HSD17B12: variants seen among roughly 807,000 people sequenced by gnomAD.
HSD17B12 encodes the protein hydroxysteroid 17-beta dehydrogenase 12.
HSD17B12 carries 32 observed loss-of-function variants against 39.3 expected under a neutral mutation model. The observed-to-expected ratio is 0.81, with a 90% CI of 0.61 to 1.09. The LOEUF is 1.09. Among genes scored for constraint, HSD17B12 ranks in the 50% least tolerant of loss-of-function variants. The pLI, the probability that HSD17B12 is intolerant of heterozygous loss-of-function variation, is 0.00. For synonymous variants in HSD17B12, 150 were observed against 146.7 expected, an observed-to-expected ratio of 1.02 and a Z score of -0.16; for missense variants, 342 against 382.9, an observed-to-expected ratio of 0.89 and a Z score of 0.89.
At chr11:43,642,298 ATTAC>A in the HSD17B12 span, among the ~76,000 whole-genome samples, 1 of 151,738 alleles carries the variant, frequency 6.6e-6, no homozygotes, top group Non-Finnish European at 1.5e-5. Context: ...ACCTACTTAA[ATTAC>A]TTAATTAAAA....
the HSD17B12 span, among the ~76,000 whole-genome samples, chr11:43,665,205 T>C: frequency 6.6e-6 from 1 of 152,182 alleles, no homozygotes; most frequent in African/African-American, 2.4e-5. Context: ...TGACAAAGGT[T>C]GTTTTTCCCT....
chr11:43,750,489 C>T (rs1016156157), intron 1 of HSD17B12, among the ~76,000 whole-genome samples: 1 of 151,794 alleles, frequency 6.6e-6, no homozygotes, highest in African/African-American at 2.4e-5. Context: ...ATTCTTCTGT[C>T]GATTAATATT....
chr11:43,851,251 C>G (rs907434722), intron 9 of HSD17B12, among the ~76,000 whole-genome samples: 2 of 152,142 alleles, frequency 1.3e-5, no homozygotes, highest in Non-Finnish European at 1.5e-5. Context: ...TCTGAGCTGG[C>G]AATATTTGTA....
Position 43,831,275 on chromosome 11 carries a change from A to C in HSD17B12, c.536+265A>C, listed in dbSNP as rs1951307909. Reference sequence around the variant, plus strand: ...GATGAAAAAGCCTGCCTGAGTCACCATCACTAACTCAATTGCCTACTATTC... The same window carrying C: ...GATGAAAAAGCCTGCCTGAGTCACCCTCACTAACTCAATTGCCTACTATTC... On this transcript the variant is annotated intron_variant, in intron 7 of 10. Transcript: ENST00000278353. The surrounding 1 kb of genome is among the most constrained non-coding windows in gnomAD (Gnocchi z 4.1). 3.9e-6 allele frequency: 1 copy of C among 257,920 alleles called. No individual in the cohort carries two copies. Among genetic ancestry groups the C allele is most frequent in the Non-Finnish European group, 7.3e-6 (1 of 136,260 alleles). 16.0% of individuals were successfully genotyped at this position (257,920 alleles called of 1,614,324 possible).
chr11:43,833,920 A>C (rs1207440914), intron 7 of HSD17B12: 1 of 152,180 alleles, frequency 6.6e-6, no homozygotes, highest in East Asian at 1.9e-4. Flanking sequence ...TGCTCTTTTC[A>C]CTTCCCTGGA....
chr11:43,574,463 A>G, the HSD17B12 span, among the ~76,000 whole-genome samples: 6 of 152,198 alleles, frequency 3.9e-5, no homozygotes, highest in Non-Finnish European at 7.3e-5. Flanking sequence ...TGGATCTAGG[A>G]TATGTGTGCA....
chr11:43,704,399 G>A (rs1949994843), intron 1 of HSD17B12, among the ~76,000 whole-genome samples: 1 of 152,158 alleles, frequency 6.6e-6, no homozygotes, highest in Non-Finnish European at 1.5e-5. Context: ...TTGTAGGTTT[G>A]TGTTTGTGAT....
At chr11:43,798,277 A>T (rs1211041130) in intron 3 of HSD17B12, 43 bp from the exon 4 acceptor site, 1 of 1,159,760 alleles carries the variant, frequency 8.6e-7, no homozygotes, top group South Asian at 1.2e-5. Flanking sequence ...GCCATGTACT[A>T]ATTTTCCCTG....
the HSD17B12 span, among the ~76,000 whole-genome samples, chr11:43,581,190 C>T: frequency 2.0e-5 from 3 of 152,112 alleles, no homozygotes; most frequent in East Asian, 1.9e-4. This position sits in a 1 kb window ranked among gnomAD's most constrained non-coding sequence, Gnocchi z 4.9. Context: ...CCTCCACACA[C>T]TTCTCTCGGG....
intron 9 of HSD17B12, among the ~76,000 whole-genome samples, chr11:43,851,880 C>T (rs1951535132): frequency 6.6e-6 from 1 of 152,152 alleles, no homozygotes; most frequent in South Asian, 2.1e-4. Context: ...AACATTTGAA[C>T]CATCCTGAGC....
chr11:43,824,351 CTAAAT>C (rs1301830663), intron 6 of HSD17B12, among the ~76,000 whole-genome samples: 2 of 152,194 alleles, frequency 1.3e-5, no homozygotes, highest in Non-Finnish European at 2.9e-5. Flanking sequence ...ATGACATCGA[CTAAAT>C]TAATCTCTTC....
chr11:43,652,217 G>T, the HSD17B12 span, among the ~76,000 whole-genome samples: 48 of 152,222 alleles, frequency 3.2e-4, 2 homozygotes, highest in East Asian at 5.0e-3. Context: ...ACATTTCCTG[G>T]TTTTAACAAT....
the HSD17B12 span, among the ~76,000 whole-genome samples, chr11:43,579,863 G>A: frequency 6.6e-6 from 1 of 152,050 alleles, no homozygotes; most frequent in Admixed American, 6.5e-5. Context: ...CTGGGCGAGG[G>A]TGGGAGTGTG....
chr11:43,847,536 C>A (rs1334727664), intron 9 of HSD17B12, among the ~76,000 whole-genome samples: 1 of 151,892 alleles, frequency 6.6e-6, no homozygotes, highest in African/African-American at 2.4e-5. Context: ...GAGACACTGT[C>A]TCTACAAAAA....
upstream of HSD17B12, among the ~76,000 whole-genome samples, chr11:43,677,707 C>T (rs1168490890): frequency 6.6e-6 from 1 of 150,824 alleles, no homozygotes; most frequent in African/African-American, 2.4e-5. Flanking sequence ...GGTTTTTGTC[C>T]TTGCGATAGT....
intron 8 of HSD17B12, 131 bp from the exon 9 acceptor site, chr11:43,839,868 C>T (rs964165958): frequency 1.7e-5 from 13 of 753,958 alleles, no homozygotes; most frequent in Non-Finnish European, 2.2e-5. Flanking sequence ...TTCTCTTCTG[C>T]GTTTGAAATG....
chr11:43,776,575 A>G (rs1247778528), intron 3 of HSD17B12, among the ~76,000 whole-genome samples: 1 of 152,076 alleles, frequency 6.6e-6, no homozygotes. Flanking sequence ...CTCTGATGGT[A>G]GTTTCTTTTG....
At chr11:43,648,702 ATGTATG>A in the HSD17B12 span, among the ~76,000 whole-genome samples, 1 of 152,074 alleles carries the variant, frequency 6.6e-6, no homozygotes, top group Non-Finnish European at 1.5e-5. Context: ...TCAGAAATAA[ATGTATG>A]TGTCTGGATT....
At chr11:43,765,887 G>A (rs1950590915) in intron 3 of HSD17B12, among the ~76,000 whole-genome samples, 1 of 152,062 alleles carries the variant, frequency 6.6e-6, no homozygotes, top group African/African-American at 2.4e-5. Flanking sequence ...AGGACGGACT[G>A]CAGTGGCACT....
Sources: allele counts gnomAD v4.1 joint callset (sites outside exome capture counted in the v4.1 genomes callset), GRCh38; gene constraint gnomAD v4.1.1; non-coding constraint Gnocchi (gnomAD v3.1); transcripts MANE v1.5; gene names NCBI Gene and HGNC (gene_info 2026-07-23, HGNC 2026-07-21).